Variants in CACNA1B observed in about 807,000 individuals in gnomAD.
The protein encoded by CACNA1B is calcium voltage-gated channel subunit alpha1 B.
CACNA1B carries 70 observed loss-of-function variants against 247.2 expected under a neutral mutation model. The ratio of observed to expected loss-of-function variants is 0.28; its 90% confidence interval spans 0.23 to 0.35. CACNA1B has a LOEUF of 0.35. Ranked by LOEUF, CACNA1B falls within the 10% of genes least tolerant of loss-of-function variation. The pLI is 1.00. For missense variants in CACNA1B, 2,367 were observed against 3,197.4 expected (o/e 0.74, Z 6.26); for synonymous variants, 1,231 against 1,294.4 (o/e 0.95, Z 1.05).
At chr9:138,001,460 C>A (rs1958576872) in intron 15 of CACNA1B, among the ~76,000 whole-genome samples, 1 of 124,698 alleles carries the variant, frequency 8.0e-6, no homozygotes, top group East Asian at 3.2e-4. Context: ...GAATTATATC[C>A]CAATAATGCT....
At position 137,900,291 on chromosome 9, in the gene CACNA1B, A is replaced by G. The variant is rs191383364; in HGVS notation, c.531-12889A>G. On this transcript the variant is annotated intron_variant, in intron 3 of 46. Transcript: ENST00000371372. ...GTGAGGTGAGTTTTGGGTTAGGGTT[A>G]GGGGGCCCAGAAGAAGCCTGCAGCA... Among the ~76,000 whole-genome samples the G allele has an allele frequency of 2.0e-3, 297 of 152,182 alleles. 4 individuals are homozygous for G. Among genetic ancestry groups the G allele is most frequent in the Middle Eastern group, 6.8e-3 (2 of 294 alleles).
chr9:137,902,864 C>T (rs182286036), intron 3 of CACNA1B, among the ~76,000 whole-genome samples: 2 of 152,364 alleles, frequency 1.3e-5, no homozygotes, highest in Admixed American at 6.5e-5. Context: ...ACAGATGTCT[C>T]AGCATCTGAT....
At chr9:137,936,807 T>A (rs1224469037) in intron 6 of CACNA1B, among the ~76,000 whole-genome samples, 1 of 152,226 alleles carries the variant, frequency 6.6e-6, no homozygotes, top group African/African-American at 2.4e-5. Flanking sequence ...TGGTGTTATT[T>A]CTGAGGCCTC....
chr9:137,957,505 G>A lies in CACNA1B; in HGVS notation c.1244-93G>A, dbSNP rs922946799. On this transcript the variant is annotated intron_variant, in intron 9 of 46. Coordinates refer to ENST00000371372, the MANE Select transcript of CACNA1B (RefSeq NM_000718.4). The surrounding 1 kb of genome is among the most constrained non-coding windows in gnomAD (Gnocchi z 4.7). ...GGACAGGAGCTCAGGAGAGGTCACTGGTCCCAGGGGGAGGGTGATCCCATG... is the reference window on the plus strand; with the variant it reads ...GGACAGGAGCTCAGGAGAGGTCACTAGTCCCAGGGGGAGGGTGATCCCATG... 3.6e-5 allele frequency: 31 copies of A among 871,934 alleles called. No homozygotes were observed. The Middle Eastern group carries it at 1.1e-3, about 30-fold the overall frequency. 54.0% of individuals were successfully genotyped at this position (871,934 alleles called of 1,614,324 possible). A position where few individuals can be genotyped will look rare whatever the true frequency, so the allele number is the denominator to read the frequency against.
intron 18 of CACNA1B, among the ~76,000 whole-genome samples, chr9:138,017,550 G>A (rs1467066121): frequency 1.3e-5 from 2 of 152,230 alleles, no homozygotes; most frequent in Non-Finnish European, 2.9e-5. Context: ...GTTCCCATGA[G>A]GTCAGGGCCC....
intron 9 of CACNA1B, 51 bp downstream of exon 9, chr9:137,956,878 C>T (rs1314077683): frequency 7.3e-6 from 11 of 1,497,566 alleles, no homozygotes; most frequent in African/African-American, 4.1e-5. Context: ...CTGGTGGCCA[C>T]GTGGGTGGTG....
chr9:138,090,701 CAAAAAAAAAA>C (rs1173964720), intron 36 of CACNA1B, among the ~76,000 whole-genome samples: 481 of 16,584 alleles, frequency 0.029, 4 homozygotes, highest in Middle Eastern at 0.11. Context: ...AACCCATCAG[CAAAAAAAAAA>C]AAAAAAAAAA....
Position 138,100,347 on chromosome 9 carries a change from C to G in CACNA1B, c.5223-2364C>G, listed in dbSNP as rs1356241155. On this transcript the variant is annotated intron_variant, in intron 37 of 46. Coordinates refer to ENST00000371372, the MANE Select transcript of CACNA1B (RefSeq NM_000718.4). The surrounding 1 kb of genome is among the most constrained non-coding windows in gnomAD (Gnocchi z 4.6). ...TAGACAGTGGGCTCAGTCCTTGCAT[C>G]GAGGAGTGATGGTGTCAGGCCCACA... is the stretch of plus-strand genomic sequence containing the variant. Among the ~76,000 whole-genome samples the G allele has an allele frequency of 6.6e-6, 1 of 151,954 alleles. No individual in the cohort carries two copies. Among genetic ancestry groups the G allele is most frequent in the Non-Finnish European group, 1.5e-5 (1 of 68,008 alleles).
chr9:137,893,093 G>A (rs907416665), intron 3 of CACNA1B, among the ~76,000 whole-genome samples: 6 of 152,322 alleles, frequency 3.9e-5, no homozygotes, highest in Admixed American at 3.9e-4. Context: ...CCCAGGAGGT[G>A]CCTTTACTCC....
rs959289218 is a variant in CACNA1B, at chr9:137,895,389, T to TA, written c.530+12514dup. On this transcript the variant is annotated intron_variant, in intron 3 of 46. Transcript: ENST00000371372. Reference sequence around the variant, plus strand: ...AATATATACAAAAAATCTTGATATATAAAAAAAATCAGTTTCAAGCCAGAA... The same window carrying TA: ...AATATATACAAAAAATCTTGATATATAAAAAAAAATCAGTTTCAAGCCAGAA... Among the ~76,000 whole-genome samples, 37 of 152,258 alleles carry TA rather than the reference T, an allele frequency of 2.4e-4. 1 individual carries two copies. In the South Asian group the frequency reaches 2.5e-3, roughly 10 times the overall value.
chr9:138,013,977 T>C (rs998963044), intron 18 of CACNA1B, among the ~76,000 whole-genome samples: 4 of 152,244 alleles, frequency 2.6e-5, no homozygotes, highest in African/African-American at 9.6e-5. Flanking sequence ...TCTGGCTGCA[T>C]GCCCACCCCC....
intron 36 of CACNA1B, among the ~76,000 whole-genome samples, chr9:138,084,264 AGCACCT>A (rs1960622489): frequency 6.6e-6 from 1 of 151,266 alleles, no homozygotes; most frequent in Non-Finnish European, 1.5e-5. Context: ...AGCCACTCTG[AGCACCT>A]GCACCTGGAA....
At chr9:138,095,853 TC>T (rs1961035412) in intron 36 of CACNA1B, among the ~76,000 whole-genome samples, 1 of 141,746 alleles carries the variant, frequency 7.1e-6, no homozygotes, top group African/African-American at 2.7e-5. Context: ...AAGCCAGACA[TC>T]AAATCATATT....
At chr9:137,972,767 C>T (rs764443531) in intron 11 of CACNA1B, among the ~76,000 whole-genome samples, 7 of 152,154 alleles carry the variant, frequency 4.6e-5, no homozygotes, top group East Asian at 1.9e-4. Flanking sequence ...TTGAAATCTA[C>T]GACTTCCGAA....
intron 6 of CACNA1B, among the ~76,000 whole-genome samples, chr9:137,920,941 A>G (rs1957470327): frequency 6.6e-6 from 1 of 152,232 alleles, no homozygotes; most frequent in South Asian, 2.1e-4. Context: ...GCGGAACTCC[A>G]GGATTCTGTT....
chr9:138,089,158 G>A (rs988758559), intron 36 of CACNA1B, among the ~76,000 whole-genome samples: 2 of 151,732 alleles, frequency 1.3e-5, no homozygotes, highest in African/African-American at 4.8e-5. Context: ...AAAAACCAGA[G>A]AAGGACACAG....
At chr9:137,979,805 A>G (rs889763502) in intron 12 of CACNA1B, among the ~76,000 whole-genome samples, 1 of 152,164 alleles carries the variant, frequency 6.6e-6, no homozygotes, top group Non-Finnish European at 1.5e-5. Context: ...GTACCTCTTA[A>G]TCTGTTGACC....
At chr9:137,969,017 C>T (rs1958114372) in intron 10 of CACNA1B, among the ~76,000 whole-genome samples, 1 of 152,236 alleles carries the variant, frequency 6.6e-6, no homozygotes, top group African/African-American at 2.4e-5. Context: ...GAGATGTTTC[C>T]GCGTTTCCTG....
chr9:138,004,858 C>T (rs528188809), intron 15 of CACNA1B, among the ~76,000 whole-genome samples: 1 of 152,282 alleles, frequency 6.6e-6, no homozygotes, highest in South Asian at 2.1e-4. Flanking sequence ...AGAAGACATA[C>T]AAATGGCCAA....
Sources: allele counts gnomAD v4.1 joint callset (sites outside exome capture counted in the v4.1 genomes callset), GRCh38; gene constraint gnomAD v4.1.1; non-coding constraint Gnocchi (gnomAD v3.1); transcripts MANE v1.5; gene names NCBI Gene and HGNC (gene_info 2026-07-23, HGNC 2026-07-21).